SLC25A13: variants seen among roughly 807,000 people sequenced by gnomAD.
SLC25A13 encodes solute carrier family 25 member 13.
A neutral mutation model predicts 85.5 loss-of-function variants in SLC25A13; 70 were observed. The ratio of observed to expected loss-of-function variants is 0.82; its 90% CI spans 0.68 to 1.00. SLC25A13 has a LOEUF of 1.00. SLC25A13 is among the 50% of genes least tolerant of loss of function. SLC25A13 has a pLI of 0.00. For synonymous variants in SLC25A13, 259 were observed against 288.7 expected (o/e 0.90, Z 1.04); for missense variants, 765 against 819.8 (o/e 0.93, Z 0.82).
chr7:96,232,291 T>C (rs1052851204), intron 4 of SLC25A13, among the ~76,000 whole-genome samples: 20 of 149,572 alleles, frequency 1.3e-4, no homozygotes, highest in African/African-American at 4.7e-4. Flanking sequence ...CTACAGGAAC[T>C]TGGATGGAGC....
intron 15 of SLC25A13, among the ~76,000 whole-genome samples, chr7:96,128,437 A>C (rs1423947626): frequency 6.6e-6 from 1 of 152,182 alleles, no homozygotes; most frequent in Non-Finnish European, 1.5e-5. Flanking sequence ...TAAATTAAGA[A>C]AGTAGCTTAC....
chr7:96,140,649 C>T (rs568523922), intron 14 of SLC25A13, among the ~76,000 whole-genome samples: 21 of 152,104 alleles, frequency 1.4e-4, no homozygotes, highest in Middle Eastern at 3.4e-3. Flanking sequence ...GTGATCTGCC[C>T]GCATCGGTCT....
At chr7:96,176,244 G>A (rs190980731) in intron 11 of SLC25A13, among the ~76,000 whole-genome samples, 248 of 152,240 alleles carry the variant, frequency 1.6e-3, no homozygotes, top group Non-Finnish European at 2.4e-3. Context: ...TCTGACATCT[G>A]GGTAATTCAG....
chr7:96,164,410 A>ATCT (rs1793652139), intron 13 of SLC25A13, among the ~76,000 whole-genome samples: 1 of 152,234 alleles, frequency 6.6e-6, no homozygotes, highest in Non-Finnish European at 1.5e-5. Flanking sequence ...AACCACGGAA[A>ATCT]GGAGGCAGCA....
intron 3 of SLC25A13, among the ~76,000 whole-genome samples, chr7:96,243,237 A>G (rs1451424378): frequency 6.6e-6 from 1 of 152,194 alleles, no homozygotes; most frequent in African/African-American, 2.4e-5. Flanking sequence ...AAGTGCTGGG[A>G]TTACAGGTGT....
At chr7:96,298,319 G>A (rs1027032684) in intron 1 of SLC25A13, among the ~76,000 whole-genome samples, 1 of 152,194 alleles carries the variant, frequency 6.6e-6, no homozygotes, top group Non-Finnish European at 1.5e-5. Flanking sequence ...TAGAATGGGA[G>A]TAGTCTTTCT....
intron 4 of SLC25A13, among the ~76,000 whole-genome samples, chr7:96,231,203 T>C (rs1298390187): frequency 6.6e-6 from 1 of 152,072 alleles, no homozygotes; most frequent in Non-Finnish European, 1.5e-5. Flanking sequence ...TGGGCAAAGA[T>C]TTCATGACAA....
At chr7:96,275,306 C>G (rs1798407187) in intron 3 of SLC25A13, among the ~76,000 whole-genome samples, 1 of 152,148 alleles carries the variant, frequency 6.6e-6, no homozygotes, top group African/African-American at 2.4e-5. Flanking sequence ...ACTAGTTCAA[C>G]CATTGTGGAA....
At chr7:96,257,720 C>T (rs1008620930) in intron 3 of SLC25A13, among the ~76,000 whole-genome samples, 5 of 152,260 alleles carry the variant, frequency 3.3e-5, no homozygotes, top group Admixed American at 6.5e-5. Flanking sequence ...TTTTATGAGG[C>T]TAGCATCATC....
At chr7:96,203,968 A>G (rs760722192) in intron 5 of SLC25A13, among the ~76,000 whole-genome samples, 64 of 152,192 alleles carry the variant, frequency 4.2e-4, no homozygotes, top group Non-Finnish European at 8.7e-4. Flanking sequence ...CAGAGTGGGA[A>G]CGGCATCGTA....
intron 4 of SLC25A13, among the ~76,000 whole-genome samples, chr7:96,211,239 C>T (rs888052142): frequency 8.5e-5 from 13 of 152,068 alleles, no homozygotes; most frequent in African/African-American, 2.9e-4. Flanking sequence ...ACTCTAAACG[C>T]TATAGTTTTT....
At chr7:96,234,459 T>C (rs997018990) in intron 4 of SLC25A13, among the ~76,000 whole-genome samples, 4 of 152,172 alleles carry the variant, frequency 2.6e-5, no homozygotes, top group African/African-American at 9.7e-5. Context: ...GATTATTCAC[T>C]TCTTCGTTCT....
intron 1 of SLC25A13, among the ~76,000 whole-genome samples, chr7:96,308,338 G>A (rs1799835897): frequency 6.6e-6 from 1 of 152,202 alleles, no homozygotes; most frequent in Admixed American, 6.5e-5. Context: ...AGCTGATTGA[G>A]GCAGCAGCAG....
intron 13 of SLC25A13, among the ~76,000 whole-genome samples, chr7:96,152,133 G>A (rs2116503008): frequency 6.6e-6 from 1 of 152,206 alleles, no homozygotes; most frequent in East Asian, 1.9e-4. Context: ...TGCTCTAGAT[G>A]GCATGGAGAA....
intron 13 of SLC25A13, among the ~76,000 whole-genome samples, chr7:96,150,090 G>A (rs1034840849): frequency 9.2e-5 from 14 of 151,538 alleles, no homozygotes; most frequent in African/African-American, 2.9e-4. Flanking sequence ...TATTTACAGC[G>A]GTAACACTGA....
rs1021270782 is a variant in SLC25A13 at position 96,191,214 on chromosome 7, A to C, written c.649T>G (p.Phe217Val). 23 of 1,613,980 alleles carry C rather than the reference A, an allele frequency of 1.4e-5. No individual in the cohort carries two copies. Among genetic ancestry groups the C allele is most frequent in the Non-Finnish European group, 1.9e-5 (23 of 1,179,996 alleles). ...GAATTAAATCCATTAAAATAGGAGA[A>C]ACTAACTTGATGGGATGTGGTACCT... ...AGGTTSHQVS[F>V]SYFNGFNSLL... The change falls in exon 7 of 18, where the codon TTC becomes GTC. Residue 217 changes from phenylalanine (F) to valine (V), a missense_variant. By Grantham distance (50) the Phe-to-Val change is conservative. Coordinates refer to ENST00000265631, the MANE Select transcript of SLC25A13 (RefSeq NM_014251.3).
chr7:96,218,220 A>G (rs1373453344), intron 4 of SLC25A13, among the ~76,000 whole-genome samples: 2 of 152,200 alleles, frequency 1.3e-5, no homozygotes, highest in Non-Finnish European at 2.9e-5. Context: ...ATTTCTCAAA[A>G]AGCAATAATT....
At chr7:96,186,570 T>A (rs1044850783) in intron 9 of SLC25A13, among the ~76,000 whole-genome samples, 1 of 152,194 alleles carries the variant, frequency 6.6e-6, no homozygotes, top group Admixed American at 6.5e-5. Context: ...AGAACAAAAA[T>A]TTGGGAAATA....
At chr7:96,124,560 C>A (rs1196435731) in intron 15 of SLC25A13, among the ~76,000 whole-genome samples, 1 of 152,186 alleles carries the variant, frequency 6.6e-6, no homozygotes, top group Non-Finnish European at 1.5e-5. Flanking sequence ...GAATTCCATT[C>A]AGTATGGCAT....
Sources: allele counts gnomAD v4.1 joint callset (sites outside exome capture counted in the v4.1 genomes callset), GRCh38; gene constraint gnomAD v4.1.1; transcripts MANE v1.5; gene names NCBI Gene and HGNC (gene_info 2026-07-23, HGNC 2026-07-21).